KAZN: variants seen among roughly 807,000 people sequenced by gnomAD.
KAZN encodes the protein kazrin, periplakin interacting protein.
In KAZN, 40 loss-of-function variants were observed where a neutral mutation model predicts 87.4. That is an observed-to-expected ratio of 0.46 (90% CI 0.36 to 0.60). The LOEUF is 0.60. Ranked by LOEUF, KAZN falls within the 20% of genes least tolerant of loss-of-function variation. The pLI, the probability that KAZN is intolerant of heterozygous loss-of-function variation, is 0.00. For missense variants in KAZN, 898 were observed against 1,073.9 expected (o/e 0.84, Z 2.29); for synonymous variants, 466 against 458.3 (o/e 1.02, Z -0.22).
chr1:14,742,887 C>T (rs1016175019), intron 1 of KAZN, among the ~76,000 whole-genome samples: 2 of 152,192 alleles, frequency 1.3e-5, no homozygotes, highest in African/African-American at 2.4e-5. Context: ...CAAGCACCCA[C>T]GGCTCAGAGA....
At chr1:14,018,467 C>T (rs550322389) in intron 1 of KAZN, among the ~76,000 whole-genome samples, 9 of 152,194 alleles carry the variant, frequency 5.9e-5, no homozygotes, top group East Asian at 1.9e-4. Context: ...TAATTTATAG[C>T]GGTGATAATT....
rs1038807087 is a variant in KAZN, at chr1:14,387,101, G to A, written c.249+206509G>A. On this transcript the variant is annotated intron_variant, in intron 2 of 16. Coordinates refer to the KAZN transcript ENST00000636203. Reference sequence around the variant, plus strand: ...CTGATACCCTTTCTTCCAGTTGATCGCATCAGCTCCTGAGGCTTCTGCATT... The same window carrying A: ...CTGATACCCTTTCTTCCAGTTGATCACATCAGCTCCTGAGGCTTCTGCATT... Among the ~76,000 whole-genome samples, 6 of 151,896 alleles carry A rather than the reference G, an allele frequency of 4.0e-5. No homozygotes were observed. The South Asian group carries it at 6.2e-4, about 16-fold the overall frequency.
chr1:14,842,949 A>T lies in KAZN; in HGVS notation c.227-117735A>T, dbSNP rs190320094. ...GTCTCCATAATGTGATGTGATTGGT[A>T]TATTGCTGTTTCTCGGCTTACCCAA... On this transcript the variant is annotated intron_variant, in intron 1 of 14. Coordinates refer to ENST00000376030, the MANE Select transcript of KAZN (RefSeq NM_201628.3). 1.9e-4 allele frequency among the ~76,000 whole-genome samples: 29 copies of T among 152,214 alleles called. 1 individual carries two copies. In the East Asian group the frequency reaches 5.0e-3, roughly 26 times the overall value.
chr1:14,464,539 T>TC (rs542434790), intron 2 of KAZN, among the ~76,000 whole-genome samples: 82 of 150,150 alleles, frequency 5.5e-4, no homozygotes, highest in African/African-American at 2.0e-3. Flanking sequence ...TTTCTTTTTT[T>TC]TTTCTTTCTT....
At chr1:14,304,545 G>A (rs1314003130) in intron 2 of KAZN, 3 of 398,044 alleles carry the variant, frequency 7.5e-6, no homozygotes, top group Non-Finnish European at 1.3e-5. Context: ...AGGAAGTTTG[G>A]TCTATTTCTT....
chr1:14,727,823 C>T lies in KAZN; in HGVS notation c.226+128600C>T, dbSNP rs144244681. Among the ~76,000 whole-genome samples the T allele has an allele frequency of 3.8e-3, 577 of 151,988 alleles. 7 individuals are homozygous for T. The highest frequency in any genetic ancestry group is 0.013 in the African/African-American group (534 of 41,438). ...GTAATGAAATAATGGTACAACTCACCATTGTGTAGAATTCGTGGGAGCCCT... is the reference window on the plus strand; with the variant it reads ...GTAATGAAATAATGGTACAACTCACTATTGTGTAGAATTCGTGGGAGCCCT... On this transcript the variant is annotated intron_variant, in intron 1 of 14. Transcript: ENST00000376030.
At chr1:14,862,170 G>T (rs1461919565) in intron 1 of KAZN, among the ~76,000 whole-genome samples, 2 of 152,166 alleles carry the variant, frequency 1.3e-5, no homozygotes, top group Non-Finnish European at 2.9e-5. Context: ...GAATAATAGA[G>T]TGAGATTCGC....
chr1:14,388,489 T>C (rs1015133899), intron 2 of KAZN, among the ~76,000 whole-genome samples: 1 of 152,174 alleles, frequency 6.6e-6, no homozygotes, highest in East Asian at 1.9e-4. Context: ...AACAGTACAG[T>C]ACTGGCATAA....
intron 1 of KAZN, among the ~76,000 whole-genome samples, chr1:14,737,220 C>T (rs1216447412): frequency 6.6e-6 from 1 of 152,046 alleles, no homozygotes; most frequent in African/African-American, 2.4e-5. Flanking sequence ...CCTGAAGCCT[C>T]AGGGTGCTCC....
At chr1:14,165,961 A>G (rs1421019691) in intron 1 of KAZN, among the ~76,000 whole-genome samples, 1 of 152,170 alleles carries the variant, frequency 6.6e-6, no homozygotes, top group Admixed American at 6.5e-5. Flanking sequence ...TCTCACGGTC[A>G]TACAAAGAGC....
chr1:14,062,477 T>C (rs965166599), intron 1 of KAZN, among the ~76,000 whole-genome samples: 1 of 152,192 alleles, frequency 6.6e-6, no homozygotes, highest in African/African-American at 2.4e-5. Flanking sequence ...GGTAAAACTT[T>C]GTTTATTCAG....
intron 8 of KAZN, among the ~76,000 whole-genome samples, chr1:15,075,766 A>G (rs1328513418): frequency 6.6e-6 from 1 of 152,194 alleles, no homozygotes; most frequent in Non-Finnish European, 1.5e-5. Flanking sequence ...AGCCCGACAG[A>G]TTGGCTTGGA....
At chr1:14,428,829 C>T (rs1036693647) in intron 2 of KAZN, among the ~76,000 whole-genome samples, 4 of 152,078 alleles carry the variant, frequency 2.6e-5, no homozygotes, top group Non-Finnish European at 5.9e-5. Context: ...CACCTGGTCC[C>T]TCCCATGACA....
At chr1:14,240,897 C>T (rs970836966) in intron 2 of KAZN, among the ~76,000 whole-genome samples, 1 of 152,224 alleles carries the variant, frequency 6.6e-6, no homozygotes, top group African/African-American at 2.4e-5. Context: ...AAGTCCATTT[C>T]CTGAGTTTAA....
chr1:14,667,556 C>T (rs1377677304), intron 1 of KAZN, among the ~76,000 whole-genome samples: 1 of 152,182 alleles, frequency 6.6e-6, no homozygotes, highest in Non-Finnish European at 1.5e-5. Flanking sequence ...ATAAGTTGTG[C>T]TTTGCCAGTC....
intron 2 of KAZN, among the ~76,000 whole-genome samples, chr1:14,340,107 C>T (rs1657576855): frequency 7.8e-6 from 1 of 129,016 alleles, no homozygotes; most frequent in Non-Finnish European, 1.7e-5. Flanking sequence ...AATCGGGGAA[C>T]AGAGTGAAGG....
In KAZN at chr1:15,034,690, T is replaced by C. The variant is rs1035798779; in HGVS notation, c.419-59T>C. ...CGGCGGTGATGCCACTTCTCAGCAC[T>C]CAGGCATCTGGAGAGGACAGCTGGG... On this transcript the variant is annotated intron_variant, in intron 2 of 14. Transcript: ENST00000376030. 69 of 1,599,836 alleles carry C rather than the reference T, an allele frequency of 4.3e-5. No individual in the cohort carries two copies. In the Admixed American group the frequency reaches 4.9e-4, roughly 11 times the overall value.
At chr1:14,507,526 G>A (rs1670649186) in intron 2 of KAZN, among the ~76,000 whole-genome samples, 1 of 152,194 alleles carries the variant, frequency 6.6e-6, no homozygotes, top group African/African-American at 2.4e-5. Context: ...TATAGTCAGT[G>A]CATCCGCCAG....
At chr1:14,871,337 GA>G (rs34434912) in intron 1 of KAZN, among the ~76,000 whole-genome samples, 45,596 of 151,726 alleles carry the variant, frequency 0.3, 7,525 homozygotes, top group South Asian at 0.41. Flanking sequence ...CAAGAGTCAA[GA>G]GGGAGGTTTG....
Sources: gnomAD v4.1 joint callset for allele counts (sites outside exome capture counted in the v4.1 genomes callset) on GRCh38, gnomAD v4.1.1 for gene constraint, MANE v1.5 for transcripts, NCBI Gene and HGNC (gene_info 2026-07-23, HGNC 2026-07-21) for gene names.